IMPG1: variants seen among roughly 807,000 people sequenced by gnomAD.
IMPG1 encodes interphotoreceptor matrix proteoglycan 1.
A neutral mutation model predicts 92.0 loss-of-function variants in IMPG1; 85 were observed. The ratio of observed to expected loss-of-function variants is 0.92; its 90% CI spans 0.78 to 1.11. IMPG1 has a LOEUF of 1.11. Ranked by LOEUF, IMPG1 falls within the 50% of genes least tolerant of loss-of-function variation. The pLI, the probability that IMPG1 is intolerant of heterozygous loss-of-function variation, is 0.00. For missense variants in IMPG1, 1,022 were observed against 956.0 expected, an observed-to-expected ratio of 1.07 and a Z score of -0.91; for synonymous variants, 367 against 334.1, an observed-to-expected ratio of 1.10 and a Z score of -1.08.
chr6:76,003,083 A>T (rs1203728597), intron 11 of IMPG1, 87 bp from the exon 12 acceptor site: 4 of 942,086 alleles, frequency 4.2e-6, no homozygotes, highest in East Asian at 2.5e-5. Flanking sequence ...CAAAATTTTC[A>T]TTTAAATTTA....
At chr6:76,048,219 ACAAG>A (rs1208017642) in intron 1 of IMPG1, among the ~76,000 whole-genome samples, 6 of 152,196 alleles carry the variant, frequency 3.9e-5, no homozygotes, top group African/African-American at 1.4e-4. Context: ...CTGGAGAAAA[ACAAG>A]CATTAGAACA....
intron 12 of IMPG1, among the ~76,000 whole-genome samples, chr6:75,969,694 C>T (rs1782370796): frequency 6.6e-6 from 1 of 151,988 alleles, no homozygotes; most frequent in Non-Finnish European, 1.5e-5. Context: ...GATCACGCCA[C>T]AGTACTCCAG....
rs970516920 is a variant in IMPG1 at position 76,005,558 on chromosome 6, C to T, written c.888-24G>A. 5.6e-6 allele frequency: 9 copies of T among 1,608,888 alleles called. No individual in the cohort carries two copies. In the Admixed American group the frequency reaches 8.4e-5, roughly 15 times the overall value. The stretch of plus-strand genomic sequence containing the variant: ...AGCTGTAGATAGCAGAGGACACATT[C>T]CCCACCCAAAGCCATTGTTACATGC... On this transcript the variant is annotated intron_variant, in intron 9 of 16. Transcript: ENST00000369950.
intron 12 of IMPG1, 46 bp downstream of exon 12, chr6:76,002,872 A>G (rs781158485): frequency 7.0e-7 from 1 of 1,428,064 alleles, no homozygotes; most frequent in South Asian, 1.2e-5. Flanking sequence ...GGATTCCTCA[A>G]AGCATATGTT....
chr6:76,026,411 C>T (rs1036641489), intron 4 of IMPG1, among the ~76,000 whole-genome samples: 2 of 152,184 alleles, frequency 1.3e-5, no homozygotes, highest in Non-Finnish European at 2.9e-5. Flanking sequence ...TGGGGGAAAC[C>T]ATGCCCCCAT....
chr6:76,007,390 T>A, intron 9 of IMPG1, 90 bp downstream of exon 9: 1 of 940,902 alleles, frequency 1.1e-6, no homozygotes, highest in South Asian at 1.5e-5. Flanking sequence ...ATCCAAGACA[T>A]TATATGTAAA....
chr6:75,935,192 G>C (rs949002577), intron 14 of IMPG1: 16 of 370,894 alleles, frequency 4.3e-5, no homozygotes, highest in African/African-American at 3.0e-4. Flanking sequence ...TGTGCCTTGC[G>C]CGTTGGTGGA....
intron 4 of IMPG1, among the ~76,000 whole-genome samples, chr6:76,026,318 G>A (rs1783534810): frequency 6.6e-6 from 1 of 152,156 alleles, no homozygotes; most frequent in African/African-American, 2.4e-5. Flanking sequence ...CCCAACGTGG[G>A]GCTCGAGAAG....
rs183168778 is a variant in IMPG1, at chr6:75,996,103, G to A, written c.1291+6815C>T. On this transcript the variant is annotated intron_variant, in intron 12 of 16. Coordinates refer to ENST00000369950, the MANE Select transcript of IMPG1 (RefSeq NM_001563.4). ...CATAAAGAGTTTGCTTGAATCTGTGGCCTACAGTGCCCCTGGAATTCACCT... is the reference window on the plus strand; with the variant it reads ...CATAAAGAGTTTGCTTGAATCTGTGACCTACAGTGCCCCTGGAATTCACCT... Among the ~76,000 whole-genome samples, 21 of 152,290 alleles carry A rather than the reference G, an allele frequency of 1.4e-4. 1 individual carries two copies. The highest frequency in any genetic ancestry group is 4.3e-4 in the African/African-American group (18 of 41,562).
At chr6:76,071,583 C>A (rs2127599914) in intron 1 of IMPG1, among the ~76,000 whole-genome samples, 1 of 152,022 alleles carries the variant, frequency 6.6e-6, no homozygotes, top group Middle Eastern at 3.4e-3. Context: ...CTTACACATG[C>A]AATGACTATT....
At chr6:75,946,038 G>C (rs1180684318) in intron 14 of IMPG1, among the ~76,000 whole-genome samples, 3 of 152,154 alleles carry the variant, frequency 2.0e-5, no homozygotes, top group African/African-American at 7.2e-5. Flanking sequence ...TTAATCAATT[G>C]GCTGAAGAAA....
chr6:75,960,969 C>T (rs1433908344), intron 12 of IMPG1, among the ~76,000 whole-genome samples: 1 of 152,208 alleles, frequency 6.6e-6, no homozygotes, highest in African/African-American at 2.4e-5. Flanking sequence ...ATTGTGGTCA[C>T]TTTCCAGGTT....
In IMPG1 at chr6:75,995,385, T is replaced by C. The variant is rs75994012; in HGVS notation, c.1291+7533A>G. 9.6e-3 allele frequency among the ~76,000 whole-genome samples: 1,468 copies of C among 152,332 alleles called. 14 individuals are homozygous for C. The highest frequency in any genetic ancestry group is 0.034 in the African/African-American group (1,397 of 41,572). On this transcript the variant is annotated intron_variant, in intron 12 of 16. Transcript: ENST00000369950. ...CAGGGCTTATAAAGCTCTATGCTTC[T>C]AGAGCTTCACCATTTTCTCTCCAAA...
chr6:75,946,147 T>C (rs1027513763), intron 14 of IMPG1, among the ~76,000 whole-genome samples: 1 of 152,074 alleles, frequency 6.6e-6, no homozygotes, highest in African/African-American at 2.4e-5. Flanking sequence ...ATTTAGGAGG[T>C]GTTTGATTTC....
intron 12 of IMPG1, among the ~76,000 whole-genome samples, chr6:75,956,971 G>T (rs970426886): frequency 2.6e-4 from 39 of 152,146 alleles, no homozygotes; most frequent in African/African-American, 8.7e-4. Flanking sequence ...CCAAGCTGGA[G>T]TGCAGTGGCA....
chr6:75,945,540 A>G (rs1345631926), intron 14 of IMPG1, among the ~76,000 whole-genome samples: 1 of 151,948 alleles, frequency 6.6e-6, no homozygotes, highest in Non-Finnish European at 1.5e-5. Context: ...TAGTAGAGAC[A>G]GGGTTTTGCC....
intron 1 of IMPG1, among the ~76,000 whole-genome samples, chr6:76,043,540 T>C (rs1582126191): frequency 1.3e-5 from 2 of 152,132 alleles, no homozygotes; most frequent in East Asian, 3.9e-4. Context: ...GGAGGAAATT[T>C]ATAGATTAAT....
intron 12 of IMPG1, among the ~76,000 whole-genome samples, chr6:76,000,483 C>A (rs1415846692): frequency 6.6e-6 from 1 of 151,892 alleles, no homozygotes; most frequent in African/African-American, 2.4e-5. Context: ...GTCTGTAAAT[C>A]GCTATAAATC....
At chr6:76,056,749 G>T (rs1784126612) in intron 1 of IMPG1, among the ~76,000 whole-genome samples, 1 of 152,066 alleles carries the variant, frequency 6.6e-6, no homozygotes, top group Non-Finnish European at 1.5e-5. Flanking sequence ...AGCTCATTGT[G>T]GTTTTGATTC....
Sources: gnomAD v4.1 joint callset for allele counts (sites outside exome capture counted in the v4.1 genomes callset) on GRCh38, gnomAD v4.1.1 for gene constraint, MANE v1.5 for transcripts, NCBI Gene and HGNC (gene_info 2026-07-23, HGNC 2026-07-21) for gene names.